Variants in SLMAP observed in about 807,000 individuals in gnomAD.
SLMAP encodes sarcolemmal membrane-associated protein.
A neutral mutation model predicts 128.8 loss-of-function variants in SLMAP; 44 were observed. The ratio of observed to expected loss-of-function variants is 0.34; its 90% CI spans 0.27 to 0.44. The LOEUF (loss-of-function observed/expected upper bound fraction) is 0.44, where lower values mean the gene tolerates loss of function less well. Ranked by LOEUF, SLMAP falls within the 20% of genes least tolerant of loss-of-function variation. SLMAP has a pLI of 1.00. For synonymous variants in SLMAP, 327 were observed against 348.8 expected (o/e 0.94, Z 0.70); for missense variants, 787 against 985.3 (o/e 0.80, Z 2.69).
rs2077808922 is a variant in SLMAP at position 57,757,289 on chromosome 3, CGT to C, written c.-359_-358del. On this transcript the variant is annotated 5_prime_UTR_variant, in exon 2 of 25. The change abolishes the stop of an existing upstream ORF in the 5' untranslated region. Coordinates refer to ENST00000671191, the MANE Select transcript of SLMAP (RefSeq NM_001377540.1). ...ATCTCAAACCAAACACAAGAATTGG[CGT>C]GTGACTCATCTGCTTGGATACCTCC... 3.1e-6 allele frequency: 1 copy of C among 324,230 alleles called. No individual in the cohort carries two copies. Among genetic ancestry groups the C allele is most frequent in the Non-Finnish European group, 5.9e-6 (1 of 170,154 alleles). 20.1% of individuals were successfully genotyped at this position (324,230 alleles called of 1,614,324 possible).
chr3:57,837,741 G>A (rs1387698087), intron 3 of SLMAP, among the ~76,000 whole-genome samples: 2 of 152,158 alleles, frequency 1.3e-5, no homozygotes, highest in South Asian at 2.1e-4. Context: ...ACACTTGCTA[G>A]CATTTTGGGA....
At chr3:57,813,286 G>A (rs1238152287) in intron 2 of SLMAP, among the ~76,000 whole-genome samples, 1 of 151,948 alleles carries the variant, frequency 6.6e-6, no homozygotes, top group African/African-American at 2.4e-5. Context: ...GGTAGAGATG[G>A]GGTTTCACCA....
At chr3:57,891,042 G>C (rs1212278162) in intron 15 of SLMAP, 1 of 152,014 alleles carries the variant, frequency 6.6e-6, no homozygotes, top group Non-Finnish European at 1.5e-5. Flanking sequence ...TGGCAAACAG[G>C]CATTGAGTTT....
intron 2 of SLMAP, among the ~76,000 whole-genome samples, chr3:57,810,672 C>T (rs1015739022): frequency 2.0e-5 from 3 of 152,196 alleles, no homozygotes; most frequent in East Asian, 1.9e-4. Flanking sequence ...TTGCCAAGGT[C>T]GTCGGTGGCT....
At chr3:57,927,272 G>A in intron 24 of SLMAP, 24 bp from the exon 25 acceptor site, 3 of 1,542,190 alleles carry the variant, frequency 1.9e-6, no homozygotes, top group Non-Finnish European at 2.7e-6. Context: ...ATGTGATATT[G>A]ACTCTTGGTT....
chr3:57,791,827 A>G (rs1238680271), intron 2 of SLMAP, among the ~76,000 whole-genome samples: 3 of 152,100 alleles, frequency 2.0e-5, no homozygotes. Flanking sequence ...TAATTTTAAT[A>G]GATCTGTTTA....
chr3:57,759,279 C>CT (rs530906553), intron 2 of SLMAP, among the ~76,000 whole-genome samples: 6,656 of 141,974 alleles, frequency 0.047, 389 homozygotes, highest in African/African-American at 0.14. Flanking sequence ...ACTCGTAATC[C>CT]TTTTTTTTTT....
intron 2 of SLMAP, among the ~76,000 whole-genome samples, chr3:57,787,319 A>G (rs1478614692): frequency 2.6e-5 from 4 of 152,230 alleles, no homozygotes; most frequent in East Asian, 1.9e-4. Context: ...CATCTCTTCA[A>G]TCTACTTTAT....
rs532395200 is a variant in SLMAP at position 57,917,539 on chromosome 3, T to C, written c.2310+462T>C. ...AAACACATGTTCTGTGGCCTTTTAC[T>C]TTCTTCCTCCCACCCCCTTTTCACC... On this transcript the variant is annotated intron_variant, in intron 22 of 24. Transcript: ENST00000671191. 3.7e-5 allele frequency: 6 copies of C among 163,604 alleles called. No individual in the cohort carries two copies. In the South Asian group the frequency reaches 6.6e-4, roughly 18 times the overall value. The allele number at this position is 163,604 out of a possible 1,614,324, so 10.1% of individuals were successfully genotyped here.
chr3:57,895,614 G>A (rs965244776), intron 15 of SLMAP, among the ~76,000 whole-genome samples: 1 of 151,868 alleles, frequency 6.6e-6, no homozygotes, highest in Non-Finnish European at 1.5e-5. Flanking sequence ...GATTACAGGC[G>A]TGAGCCACTG....
chr3:57,869,640 A>ATATATATATATATAT (rs1553900358), intron 13 of SLMAP, among the ~76,000 whole-genome samples: 4 of 127,248 alleles, frequency 3.1e-5, no homozygotes, highest in African/African-American at 1.3e-4. Flanking sequence ...TTATATATAT[A>ATATATATATATATAT]TATATATATA....
rs1014594974 is a variant in SLMAP at position 57,927,466 on chromosome 3, T to C, written c.*177T>C. 2.6e-6 allele frequency: 2 copies of C among 758,330 alleles called. No individual in the cohort carries two copies. The highest frequency in any genetic ancestry group is 2.3e-5 in the Admixed American group (1 of 42,644). The allele number at this position is 758,330 out of a possible 1,614,324, so 47.0% of individuals were successfully genotyped here. ...TCATGCTGGGGACAAACAGAACCAT[T>C]TTCTTCCTCTTTACCTCTTAAAACA... is the stretch of plus-strand genomic sequence containing the variant. On this transcript the variant is annotated 3_prime_UTR_variant, in exon 25 of 25. Transcript: ENST00000671191.
At chr3:57,917,947 A>C (rs921935373) in intron 22 of SLMAP, 1 of 152,186 alleles carries the variant, frequency 6.6e-6, no homozygotes, top group African/African-American at 2.4e-5. Context: ...AACTTTCCCA[A>C]AGTTGTTTCT....
intron 20 of SLMAP, 123 bp from the exon 21 acceptor site, chr3:57,913,035 A>G (rs1295011594): frequency 1.8e-6 from 1 of 555,890 alleles, no homozygotes; most frequent in Non-Finnish European, 3.2e-6. Flanking sequence ...TTAACCATGT[A>G]AAATCTACTT....
At chr3:57,841,158 TA>T in intron 3 of SLMAP, 140 bp from the exon 4 acceptor site, 1 of 502,104 alleles carries the variant, frequency 2.0e-6, no homozygotes, top group Non-Finnish European at 3.5e-6. Flanking sequence ...TCCAGGGTAA[TA>T]ATGTCATTAA....
intron 2 of SLMAP, among the ~76,000 whole-genome samples, chr3:57,819,213 GA>G (rs2092261729): frequency 6.6e-6 from 1 of 152,126 alleles, no homozygotes; most frequent in Non-Finnish European, 1.5e-5. Context: ...TCAAAGCCTT[GA>G]GGAGATATAT....
At chr3:57,895,429 G>A (rs1279772501) in intron 15 of SLMAP, among the ~76,000 whole-genome samples, 3 of 151,870 alleles carry the variant, frequency 2.0e-5, no homozygotes, top group Non-Finnish European at 2.9e-5. Flanking sequence ...TCCACCTCCC[G>A]AGTTCAAGCA....
intron 3 of SLMAP, among the ~76,000 whole-genome samples, chr3:57,836,007 TA>T: frequency 6.6e-6 from 1 of 152,144 alleles, no homozygotes; most frequent in African/African-American, 2.4e-5. Context: ...AATGGAAGCA[TA>T]ATTTTAAAAC....
chr3:57,872,213 A>G (rs1245469109), intron 14 of SLMAP, among the ~76,000 whole-genome samples: 1 of 152,128 alleles, frequency 6.6e-6, no homozygotes, highest in East Asian at 1.9e-4. Context: ...GAGGTGGGAG[A>G]ATCGCTTGAA....
Sources: allele counts gnomAD v4.1 joint callset (sites outside exome capture counted in the v4.1 genomes callset), GRCh38; gene constraint gnomAD v4.1.1; transcripts MANE v1.5; gene names NCBI Gene and HGNC (gene_info 2026-07-23, HGNC 2026-07-21).